The following DAPK2 variants were observed in gnomAD, a reference collection of about 807,000 sequenced individuals.
DAPK2 encodes death-associated protein kinase 2.
Under a neutral mutation model 44.1 loss-of-function variants are expected in DAPK2, and 35 were observed. That is an observed-to-expected ratio of 0.79 (90% confidence interval 0.61 to 1.05). The LOEUF (loss-of-function observed/expected upper bound fraction) is 1.05. Among genes scored for constraint, DAPK2 ranks in the 50% least tolerant of loss-of-function variants. The pLI is 0.00. For missense variants in DAPK2, 453 were observed against 483.2 expected (o/e 0.94, Z 0.59); for synonymous variants, 174 against 182.6 (o/e 0.95, Z 0.38).
intron 1 of DAPK2, among the ~76,000 whole-genome samples, chr15:63,989,838 C>T (rs8041957): frequency 0.2 from 30,339 of 151,818 alleles, 3,064 homozygotes; most frequent in South Asian, 0.24. Context: ...ATTACAGGTG[C>T]GCACCATTAT....
In DAPK2 at chr15:64,039,803, G is replaced by C. The variant is rs577205452; in HGVS notation, c.92+367C>G. 3.7e-4 allele frequency among the ~76,000 whole-genome samples: 57 copies of C among 152,114 alleles called. 2 individuals are homozygous for C. In the South Asian group the frequency reaches 0.012, roughly 31 times the overall value. On this transcript the variant is annotated intron_variant, in intron 1 of 10. Coordinates refer to ENST00000261891, the Ensembl canonical transcript of DAPK2. ...GTTCTGAGCTTAAAACAAAACCCTG[G>C]GAACCATGGAGAATCCCAAGTGAGA...
intron 1 of DAPK2, among the ~76,000 whole-genome samples, chr15:63,988,113 A>G (rs552514641): frequency 3.0e-4 from 46 of 152,228 alleles, no homozygotes; most frequent in African/African-American, 9.1e-4. Context: ...CTCTCCTGCA[A>G]TTCTGTCAGG....
Position 63,990,168 on chromosome 15 carries a change from T to C in DAPK2, c.93-6414A>G, listed in dbSNP as rs777609889. Among the ~76,000 whole-genome samples the C allele has an allele frequency of 3.9e-5, 6 of 152,072 alleles. No homozygotes were observed. The highest frequency in any genetic ancestry group is 5.9e-5 in the Non-Finnish European group (4 of 68,020). On this transcript the variant is annotated intron_variant, in intron 1 of 10. Coordinates refer to ENST00000261891, the Ensembl canonical transcript of DAPK2. The surrounding 1 kb of genome is among the most constrained non-coding windows in gnomAD (Gnocchi z 4.3). ...CTTTGAAAGATCTATGGGCTGGGTG[T>C]GGTTGTTGTAATCCCAGCACTCTGG...
chr15:64,024,018 C>T (rs537354347), intron 1 of DAPK2, among the ~76,000 whole-genome samples: 27 of 152,232 alleles, frequency 1.8e-4, no homozygotes, highest in Admixed American at 1.2e-3. Context: ...GTCTACCTTG[C>T]GCGGTTAAGT....
chr15:63,919,176 CTT>C (rs1377335733), intron 8 of DAPK2: 4 of 152,192 alleles, frequency 2.6e-5, no homozygotes, highest in African/African-American at 7.2e-5. Flanking sequence ...CCCCAAAAGA[CTT>C]GGGGGCATTT....
At chr15:63,925,189 C>G (rs1347651083) in intron 7 of DAPK2, among the ~76,000 whole-genome samples, 1 of 152,178 alleles carries the variant, frequency 6.6e-6, no homozygotes, top group Non-Finnish European at 1.5e-5. Flanking sequence ...ATTGCTAAAT[C>G]CCTGGTCTGT....
At position 63,908,672 on chromosome 15, in the gene DAPK2, C is replaced by T; in HGVS notation, c.1033-72G>A. ...ACGCCAGGAATGGGGCTGTGCTGGG[C>T]AACCTGGGTTGATTCACCTGGACCA... is the stretch of plus-strand genomic sequence containing the variant. On this transcript the variant is annotated intron_variant, in intron 10 of 10. Transcript: ENST00000261891. The surrounding 1 kb of genome is among the most constrained non-coding windows in gnomAD (Gnocchi z 5.7). 1 of 1,350,292 alleles carries T rather than the reference C, an allele frequency of 7.4e-7. No individual in the cohort carries two copies. Among genetic ancestry groups the T allele is most frequent in the South Asian group, 1.4e-5 (1 of 69,388 alleles). The allele number at this position is 1,350,292 out of a possible 1,614,324, so 83.6% of individuals were successfully genotyped here.
At chr15:63,953,338 T>C (rs1397106186) in intron 3 of DAPK2, among the ~76,000 whole-genome samples, 1 of 152,200 alleles carries the variant, frequency 6.6e-6, no homozygotes, top group Non-Finnish European at 1.5e-5. Context: ...TCAACTGTTT[T>C]AATTTTTAGC....
chr15:63,922,296 T>G, intron 8 of DAPK2: 1 of 993,824 alleles, frequency 1.0e-6, no homozygotes, highest in Non-Finnish European at 1.2e-6. Context: ...AATCCCTGCT[T>G]CTGTAGCAGG....
chr15:63,962,565 T>C (rs2077937578), intron 3 of DAPK2, among the ~76,000 whole-genome samples: 2 of 152,234 alleles, frequency 1.3e-5, no homozygotes. Flanking sequence ...GTTTTCCTTC[T>C]AACAATCAGG....
chr15:63,986,878 T>C (rs1437131982), intron 1 of DAPK2, among the ~76,000 whole-genome samples: 1 of 147,512 alleles, frequency 6.8e-6, no homozygotes, highest in African/African-American at 2.5e-5. Flanking sequence ...AGCTTTCTGA[T>C]TATCTCCATT....
In DAPK2 at chr15:63,912,038, A is replaced by C. The variant is rs769458269; in HGVS notation, c.949-47T>G. 1.2e-6 allele frequency: 2 copies of C among 1,600,144 alleles called. No individual in the cohort carries two copies. Among genetic ancestry groups the C allele is most frequent in the Non-Finnish European group, 1.7e-6 (2 of 1,173,072 alleles). On this transcript the variant is annotated intron_variant, in intron 9 of 10. Transcript: ENST00000261891. This position sits in a 1 kb window ranked among gnomAD's most constrained non-coding sequence, Gnocchi z 4.4. ...AATCCCCAGGTGAGAATGTGCATGG[A>C]GACCCTGGAGAGCCAGAAACCCCGC...
chr15:63,926,128 G>T, intron 6 of DAPK2, 35 bp from the exon 8 acceptor site: 1 of 1,570,892 alleles, frequency 6.4e-7, no homozygotes, highest in African/African-American at 1.4e-5. Context: ...AATAACTAAG[G>T]GAAAGTAGGT....
At chr15:64,011,006 A>G (rs2079376359) in intron 1 of DAPK2, among the ~76,000 whole-genome samples, 1 of 152,158 alleles carries the variant, frequency 6.6e-6, no homozygotes, top group African/African-American at 2.4e-5. Flanking sequence ...ACATAGCAAC[A>G]ACACAGACCC....
At position 64,029,338 on chromosome 15, in the gene DAPK2, AC is replaced by A. The variant is rs1436460159; in HGVS notation, c.92+10831del. Among the ~76,000 whole-genome samples the A allele has an allele frequency of 5.3e-5, 8 of 152,086 alleles. No individual in the cohort carries two copies. In the East Asian group the frequency reaches 1.5e-3, roughly 29 times the overall value. The stretch of plus-strand genomic sequence containing the variant: ...CCCTCTCTCATCCACAGCCTCTGCC[AC>A]CCAGGGCCCCTTGTAGTCATCAGTC... On this transcript the variant is annotated intron_variant, in intron 1 of 10. Coordinates refer to ENST00000261891, the Ensembl canonical transcript of DAPK2.
rs78189867 is a variant in DAPK2, at chr15:63,981,531, G to A, written c.314+2002C>T. 3.0e-4 allele frequency among the ~76,000 whole-genome samples: 46 copies of A among 152,264 alleles called. No homozygotes were observed. In the East Asian group the frequency reaches 8.5e-3, roughly 28 times the overall value. On this transcript the variant is annotated intron_variant, in intron 2 of 10. Transcript: ENST00000261891. Reference sequence around the variant, plus strand: ...TTAATTGGGGAAAAAAGTAGAGCAGGAAATTATACAAGTACAATGATTGTA... The same window carrying A: ...TTAATTGGGGAAAAAAGTAGAGCAGAAAATTATACAAGTACAATGATTGTA...
chr15:63,985,229 A>G (rs1180655464), intron 1 of DAPK2, among the ~76,000 whole-genome samples: 1 of 152,210 alleles, frequency 6.6e-6, no homozygotes, highest in Admixed American at 6.5e-5. Context: ...TTTATCTTAC[A>G]TCGTCCACTG....
chr15:63,930,129 C>T (rs899949495), intron 5 of DAPK2, among the ~76,000 whole-genome samples: 8 of 152,330 alleles, frequency 5.3e-5, no homozygotes, highest in East Asian at 3.9e-4. Flanking sequence ...GGCAGGCCCA[C>T]GGGTGAGTCT....
Position 63,924,799 on chromosome 15 carries a change from C to G in DAPK2, c.858+17G>C, listed in dbSNP as rs182815675. ...CAGGGACCCTTTGCCCATTGGAACT[C>G]ATGGCTGTGCCCTTACCGTGATCCA... On this transcript the variant is annotated intron_variant, in intron 8 of 10. Transcript: ENST00000261891. 6 of 1,614,112 alleles carry G rather than the reference C, an allele frequency of 3.7e-6. No individual in the cohort carries two copies. The highest frequency in any genetic ancestry group is 5.1e-6 in the Non-Finnish European group (6 of 1,179,942).
Sources: allele counts gnomAD v4.1 joint callset (sites outside exome capture counted in the v4.1 genomes callset), GRCh38; gene constraint gnomAD v4.1.1; non-coding constraint Gnocchi (gnomAD v3.1); transcripts MANE v1.5; gene names NCBI Gene and HGNC (gene_info 2026-07-23, HGNC 2026-07-21).